The following PLCB1 variants were observed in gnomAD, a reference collection of about 807,000 sequenced individuals.
The protein encoded by PLCB1 is 1-phosphatidylinositol 4,5-bisphosphate phosphodiesterase beta-1.
PLCB1 carries 46 observed loss-of-function variants against 161.8 expected under a neutral mutation model. The observed-to-expected ratio is 0.28, with a 90% CI of 0.22 to 0.36. The LOEUF (loss-of-function observed/expected upper bound fraction) is 0.36. PLCB1 is among the 10% of genes least tolerant of loss of function. The pLI, the probability that PLCB1 is intolerant of heterozygous loss-of-function variation, is 1.00. For synonymous variants in PLCB1, 517 were observed against 503.7 expected, an observed-to-expected ratio of 1.03 and a Z score of -0.35; for missense variants, 1,016 against 1,472.5, an observed-to-expected ratio of 0.69 and a Z score of 5.07.
chr20:8,269,178 G>A (rs1042661469), intron 2 of PLCB1, among the ~76,000 whole-genome samples: 1 of 152,016 alleles, frequency 6.6e-6, no homozygotes, highest in African/African-American at 2.4e-5. Flanking sequence ...GTGGTTTGCT[G>A]CACCCATCAA....
At chr20:8,259,066 A>AT (rs1981567105) in intron 2 of PLCB1, among the ~76,000 whole-genome samples, 2 of 152,310 alleles carry the variant, frequency 1.3e-5, no homozygotes, top group Middle Eastern at 6.8e-3. Context: ...TTCATGTAGC[A>AT]TAACGCCTTT....
In PLCB1 at chr20:8,412,453, A is replaced by C. The variant is rs112992325; in HGVS notation, c.246+41003A>C. Among the ~76,000 whole-genome samples, 229 of 152,336 alleles carry C rather than the reference A, an allele frequency of 1.5e-3. 1 individual carries two copies. The highest frequency in any genetic ancestry group is 5.3e-3 in the African/African-American group (222 of 41,586). On this transcript the variant is annotated intron_variant, in intron 3 of 31. Coordinates refer to ENST00000338037, the MANE Select transcript of PLCB1 (RefSeq NM_015192.4). ...CAAGAAAACATCATTTTCCTCTTCT[A>C]TCTGACTGTCATTTCAATAGCAGGT... is the stretch of plus-strand genomic sequence containing the variant.
At chr20:8,824,553 G>A (rs1985595380) in intron 31 of PLCB1, among the ~76,000 whole-genome samples, 1 of 152,138 alleles carries the variant, frequency 6.6e-6, no homozygotes, top group Non-Finnish European at 1.5e-5. Flanking sequence ...ACTGCAAGTA[G>A]CCTTAAGGGC....
chr20:8,229,902 AT>A (rs1160111851), intron 2 of PLCB1, among the ~76,000 whole-genome samples: 1 of 150,754 alleles, frequency 6.6e-6, no homozygotes, highest in African/African-American at 2.4e-5. Flanking sequence ...AATAAAAAAA[AT>A]AATTTAGCCA....
chr20:8,795,388 A>G (rs1057024339), intron 31 of PLCB1, among the ~76,000 whole-genome samples: 4 of 152,222 alleles, frequency 2.6e-5, no homozygotes. Context: ...CATAAGTCCC[A>G]TGGAAACTTA....
intron 12 of PLCB1, among the ~76,000 whole-genome samples, chr20:8,714,038 A>G (rs1979164431): frequency 6.6e-6 from 1 of 152,134 alleles, no homozygotes. Flanking sequence ...TTGATCAAAG[A>G]TAATTCGGGG....
At chr20:8,728,726 T>C (rs574697926) in intron 17 of PLCB1, among the ~76,000 whole-genome samples, 77 of 152,142 alleles carry the variant, frequency 5.1e-4, no homozygotes, top group African/African-American at 1.8e-3. Flanking sequence ...GCTACCCCAT[T>C]GACTTTTACC....
intron 2 of PLCB1, among the ~76,000 whole-genome samples, chr20:8,315,267 C>A (rs1178523483): frequency 6.6e-6 from 1 of 152,168 alleles, no homozygotes; most frequent in Non-Finnish European, 1.5e-5. Flanking sequence ...GAAGCAATTG[C>A]ATGCAAAATA....
chr20:8,738,927 A>C (rs1447365867), intron 20 of PLCB1, among the ~76,000 whole-genome samples: 1 of 152,156 alleles, frequency 6.6e-6, no homozygotes, highest in Non-Finnish European at 1.5e-5. Context: ...AAGGTGGTGG[A>C]TCACCTGAGG....
At chr20:8,844,471 G>A (rs971846055) in intron 31 of PLCB1, among the ~76,000 whole-genome samples, 1 of 152,128 alleles carries the variant, frequency 6.6e-6, no homozygotes, top group Admixed American at 6.5e-5. Flanking sequence ...TAATCCTAAT[G>A]CTTTGGGAGG....
Position 8,492,440 on chromosome 20 carries a change from G to A in PLCB1, c.246+120990G>A, listed in dbSNP as rs556562659. ...GTTTGCATCAGAGAAAGTTTTATGG[G>A]TATGTTTGGTATAATTAAGTGCTTT... On this transcript the variant is annotated intron_variant, in intron 3 of 31. Transcript: ENST00000338037. Among the ~76,000 whole-genome samples, 3 of 152,076 alleles carry A rather than the reference G, an allele frequency of 2.0e-5. No individual in the cohort carries two copies. The East Asian group carries it at 5.8e-4, about 29-fold the overall frequency.
intron 3 of PLCB1, among the ~76,000 whole-genome samples, chr20:8,384,244 T>A (rs2122400084): frequency 6.6e-6 from 1 of 152,126 alleles, no homozygotes; most frequent in East Asian, 1.9e-4. Flanking sequence ...TTCTCTAATC[T>A]TGTCTGCATG....
intron 2 of PLCB1, among the ~76,000 whole-genome samples, chr20:8,333,400 G>A (rs60054090): frequency 0.044 from 6,648 of 152,292 alleles, 189 homozygotes; most frequent in Middle Eastern, 0.099. Flanking sequence ...TTTTTACAAT[G>A]CTGAGTAAGT....
intron 31 of PLCB1, among the ~76,000 whole-genome samples, chr20:8,837,958 C>T (rs1381591184): frequency 6.6e-6 from 1 of 152,056 alleles, no homozygotes; most frequent in Non-Finnish European, 1.5e-5. Flanking sequence ...TTCTCTAACT[C>T]ACAGAGAACC....
In PLCB1 at chr20:8,638,445, A is replaced by T. The variant is rs112530261; in HGVS notation, c.385-7657A>T. On this transcript the variant is annotated intron_variant, in intron 4 of 31. Transcript: ENST00000338037. Reference sequence around the variant, plus strand: ...TCAGAGATTTAAAGCCTCCTCAATCAGAGCAGGATATTATAGTCAAATTCT... The same window carrying T: ...TCAGAGATTTAAAGCCTCCTCAATCTGAGCAGGATATTATAGTCAAATTCT... Among the ~76,000 whole-genome samples, 187 of 152,258 alleles carry T rather than the reference A, an allele frequency of 1.2e-3. 3 individuals carry two copies. Among genetic ancestry groups the T allele is most frequent in the African/African-American group, 4.1e-3 (171 of 41,566 alleles).
At chr20:8,540,687 C>G (rs1263620369) in intron 3 of PLCB1, among the ~76,000 whole-genome samples, 5 of 152,032 alleles carry the variant, frequency 3.3e-5, no homozygotes, top group Admixed American at 2.6e-4. Flanking sequence ...TCACAGACCC[C>G]CATTGATGAG....
intron 3 of PLCB1, among the ~76,000 whole-genome samples, chr20:8,593,365 G>GTGTGTA (rs1987214720): frequency 6.6e-6 from 1 of 152,004 alleles, no homozygotes; most frequent in Non-Finnish European, 1.5e-5. Flanking sequence ...GTGTGTGTGT[G>GTGTGTA]TGTGTATGTG....
At chr20:8,503,964 C>T (rs960126563) in intron 3 of PLCB1, among the ~76,000 whole-genome samples, 2 of 152,264 alleles carry the variant, frequency 1.3e-5, no homozygotes, top group Non-Finnish European at 2.9e-5. Context: ...ATATTTCCTC[C>T]CTTCCCCTTG....
At chr20:8,822,390 A>C (rs1481313664) in intron 31 of PLCB1, among the ~76,000 whole-genome samples, 3 of 152,304 alleles carry the variant, frequency 2.0e-5, no homozygotes, top group Non-Finnish European at 2.9e-5. Context: ...GTAGCCAGGA[A>C]CCCTGTGCTG....
Sources: gnomAD v4.1 joint callset for allele counts (sites outside exome capture counted in the v4.1 genomes callset) on GRCh38, gnomAD v4.1.1 for gene constraint, MANE v1.5 for transcripts, NCBI Gene and HGNC (gene_info 2026-07-23, HGNC 2026-07-21) for gene names.